DMD: variants seen among roughly 807,000 people sequenced by gnomAD.
DMD encodes dystrophin, also known as mutant dystrophin.
In DMD, 63 loss-of-function variants were observed where a neutral mutation model predicts 330.1. That is an observed-to-expected ratio of 0.19 (90% CI 0.16 to 0.24). The LOEUF is 0.24. Among genes scored for constraint, DMD ranks in the 10% least tolerant of loss-of-function variants. DMD has a pLI of 1.00. For synonymous variants in DMD, 1,223 were observed against 959.8 expected, an observed-to-expected ratio of 1.27 and a Z score of -5.07; for missense variants, 3,344 against 2,684.1, an observed-to-expected ratio of 1.25 and a Z score of -5.43.
chrX:32,509,866 A>G lies in DMD; in HGVS notation c.2293-8024T>C, dbSNP rs181834381. On this transcript the variant is annotated intron_variant, in intron 18 of 78. Coordinates refer to ENST00000357033, the MANE Select transcript of DMD (RefSeq NM_004006.3). ...GTTTTCCTTTGTTTAGGCCAAAAACAGAATCCTCCACTCCCCTCTCTCTCT... is the reference window on the plus strand; with the variant it reads ...GTTTTCCTTTGTTTAGGCCAAAAACGGAATCCTCCACTCCCCTCTCTCTCT... Among the ~76,000 whole-genome samples the G allele has an allele frequency of 2.6e-3, 283 of 110,944 alleles. 1 individual carries two copies. The highest frequency in any genetic ancestry group is 8.5e-3 in the African/African-American group (259 of 30,487).
chrX:32,054,135 G>GAGAGAGAA lies in DMD; in HGVS notation c.6439-85622_6439-85621insTTCTCTCT, dbSNP rs1450250738. ...AGAGAGAGAGAGAGAGAGAGAGAGA[G>GAGAGAGAA]AAGAGGACTGAGGAACCAAAAAGAA... is the stretch of plus-strand genomic sequence containing the variant. On this transcript the variant is annotated intron_variant, in intron 44 of 78. Coordinates refer to ENST00000357033, the MANE Select transcript of DMD (RefSeq NM_004006.3). 1.2e-4 allele frequency among the ~76,000 whole-genome samples: 12 copies of GAGAGAGAA among 96,148 alleles called. No individual in the cohort carries two copies. The East Asian group carries it at 1.6e-3, about 13-fold the overall frequency. The allele number at this position is 96,148 out of a possible 115,157, so 83.5% of individuals were successfully genotyped here.
At chrX:32,522,569 C>T (rs768516538) in intron 17 of DMD, among the ~76,000 whole-genome samples, 5 of 111,896 alleles carry the variant, frequency 4.5e-5, no homozygotes, top group Non-Finnish European at 9.4e-5. Flanking sequence ...TACCTTCATT[C>T]GTAAAACCAC....
chrX:31,776,954 C>T (rs1281404597), intron 50 of DMD, among the ~76,000 whole-genome samples: 1 of 111,888 alleles, frequency 8.9e-6, no homozygotes, highest in African/African-American at 3.3e-5. Context: ...CATGCACCAC[C>T]TGAAGAACAT....
At chrX:31,702,296 G>C (rs1167073654) in intron 52 of DMD, among the ~76,000 whole-genome samples, 1 of 111,640 alleles carries the variant, frequency 9.0e-6, no homozygotes, top group African/African-American at 3.3e-5. Flanking sequence ...AGTAAAATCT[G>C]TGTTTTAAGC....
chrX:31,863,307 C>G (rs1335987387), intron 48 of DMD, among the ~76,000 whole-genome samples: 1 of 112,432 alleles, frequency 8.9e-6, no homozygotes, highest in African/African-American at 3.2e-5. Flanking sequence ...CACGCCACTG[C>G]ACTCCAGCCT....
At chrX:32,813,945 T>G (rs192474872) in intron 6 of DMD, among the ~76,000 whole-genome samples, 46 of 111,965 alleles carry the variant, frequency 4.1e-4, no homozygotes, top group African/African-American at 1.4e-3. Context: ...GTTTTCATAC[T>G]ATGGAGTAAA....
In DMD at chrX:32,937,137, G is replaced by A. The variant is rs776648889; in HGVS notation, c.93+83002C>T. 4.9e-4 allele frequency among the ~76,000 whole-genome samples: 54 copies of A among 110,470 alleles called. No individual in the cohort carries two copies. The Middle Eastern group carries it at 0.014, about 28-fold the overall frequency. On this transcript the variant is annotated intron_variant, in intron 2 of 78. Transcript: ENST00000357033. ...GTTAGGAAATTCAAGAAGGGATGACGGAGAGTTAACTGTAGACCTCAAGGG... is the reference window on the plus strand; with the variant it reads ...GTTAGGAAATTCAAGAAGGGATGACAGAGAGTTAACTGTAGACCTCAAGGG...
At chrX:32,821,461 G>A (rs2078240929) in intron 5 of DMD, among the ~76,000 whole-genome samples, 2 of 108,316 alleles carry the variant, frequency 1.8e-5, no homozygotes, top group African/African-American at 3.4e-5. Context: ...GTGGGGGGGC[G>A]CCTGTAGTCC....
intron 51 of DMD, among the ~76,000 whole-genome samples, chrX:31,757,248 C>T (rs1345353400): frequency 9.0e-6 from 1 of 111,693 alleles, no homozygotes; most frequent in Admixed American, 9.5e-5. Flanking sequence ...CCAATTTACA[C>T]ACCACAATCT....
Position 32,883,575 on chromosome X carries a change from C to A in DMD, c.94-33755G>T, listed in dbSNP as rs190886780. Among the ~76,000 whole-genome samples the A allele has an allele frequency of 1.0e-2, 1,098 of 109,934 alleles. 12 individuals are homozygous for A. The highest frequency in any genetic ancestry group is 0.035 in the African/African-American group (1,051 of 30,227). ...CGCGGTGGCTCACGCCTGTAATCCC[C>A]GCACTTTGGGAGGCCGAGCCAGGTG... is the stretch of plus-strand genomic sequence containing the variant. On this transcript the variant is annotated intron_variant, in intron 2 of 78. Coordinates refer to ENST00000357033, the MANE Select transcript of DMD (RefSeq NM_004006.3).
chrX:32,986,362 T>G (rs1269978026), intron 2 of DMD, among the ~76,000 whole-genome samples: 1 of 112,302 alleles, frequency 8.9e-6, no homozygotes, highest in Non-Finnish European at 1.9e-5. Context: ...TATAAATAAG[T>G]CTTACATATA....
intron 2 of DMD, among the ~76,000 whole-genome samples, chrX:32,963,912 A>T (rs2092007029): frequency 9.0e-6 from 1 of 111,703 alleles, no homozygotes; most frequent in Admixed American, 9.5e-5. Flanking sequence ...AAATTCATGC[A>T]TTCGCAGTGA....
At position 31,548,339 on chromosome X, in the gene DMD, A is replaced by G. The variant is rs567401801; in HGVS notation, c.8218-40886T>C. Among the ~76,000 whole-genome samples the G allele has an allele frequency of 2.0e-4, 22 of 111,286 alleles. No individual in the cohort carries two copies. In the South Asian group the frequency reaches 8.4e-3, roughly 43 times the overall value. On this transcript the variant is annotated intron_variant, in intron 55 of 78. Coordinates refer to ENST00000357033, the MANE Select transcript of DMD (RefSeq NM_004006.3). ...TGCATTTTCATAAGCTTGCCAGGTC[A>G]TTCTTAAGCATCCTCACCCTTGAAC... is the stretch of plus-strand genomic sequence containing the variant.
At chrX:32,032,510 T>TAACA (rs2095893177) in intron 44 of DMD, among the ~76,000 whole-genome samples, 1 of 111,726 alleles carries the variant, frequency 9.0e-6, no homozygotes, top group African/African-American at 3.2e-5. Flanking sequence ...TTGTAAGAAG[T>TAACA]AACAGAAATG....
intron 42 of DMD, among the ~76,000 whole-genome samples, chrX:32,288,787 A>G (rs945546127): frequency 2.7e-5 from 3 of 110,457 alleles, no homozygotes; most frequent in African/African-American, 9.8e-5. Context: ...GAGACTGGAG[A>G]GAGAAAAAAA....
intron 44 of DMD, among the ~76,000 whole-genome samples, chrX:32,011,587 T>C (rs760845784): frequency 8.9e-6 from 1 of 111,894 alleles, no homozygotes; most frequent in East Asian, 2.8e-4. Flanking sequence ...GGCTTATGGC[T>C]GAATCCCCTC....
intron 55 of DMD, among the ~76,000 whole-genome samples, chrX:31,556,072 AAAT>A: frequency 9.1e-6 from 1 of 109,717 alleles, no homozygotes; most frequent in African/African-American, 3.3e-5. Context: ...AGTTTAAAAA[AAAT>A]AATAATAATT....
intron 4 of DMD, among the ~76,000 whole-genome samples, chrX:32,834,920 C>T (rs766939238): frequency 1.3e-4 from 14 of 111,024 alleles, no homozygotes; most frequent in South Asian, 3.8e-4. Flanking sequence ...AGAGGGAAGA[C>T]GAGGACACAA....
chrX:31,958,744 A>G (rs778470044), intron 45 of DMD, among the ~76,000 whole-genome samples: 5 of 112,024 alleles, frequency 4.5e-5, no homozygotes, highest in African/African-American at 6.5e-5. Flanking sequence ...GGAGATTGCC[A>G]CCATCTCTAC....
Sources: gnomAD v4.1 joint callset for allele counts (sites outside exome capture counted in the v4.1 genomes callset) on GRCh38, gnomAD v4.1.1 for gene constraint, MANE v1.5 for transcripts, NCBI Gene and HGNC (gene_info 2026-07-23, HGNC 2026-07-21) for gene names.